Variants in GLIS3 observed in about 807,000 individuals in gnomAD.
GLIS3 encodes the protein zinc finger protein GLIS3.
A neutral mutation model predicts 78.6 loss-of-function variants in GLIS3; 53 were observed. The observed-to-expected ratio is 0.67, with a 90% CI of 0.54 to 0.85. GLIS3 has a LOEUF of 0.85. Among genes scored for constraint, GLIS3 ranks in the 40% least tolerant of loss-of-function variants. The pLI is 0.00. For synonymous variants in GLIS3, 684 were observed against 509.9 expected (o/e 1.34, Z -4.60); for missense variants, 1,703 against 1,231.1 (o/e 1.38, Z -5.74).
intron 2 of GLIS3, among the ~76,000 whole-genome samples, chr9:4,342,643 G>T (rs752580558): frequency 6.6e-6 from 1 of 152,120 alleles, no homozygotes; most frequent in Admixed American, 6.5e-5. Context: ...GAATGTCATT[G>T]GTGGTTTAAT....
At chr9:4,384,428 G>T in the GLIS3 span, among the ~76,000 whole-genome samples, 2 of 151,914 alleles carry the variant, frequency 1.3e-5, no homozygotes, top group Non-Finnish European at 2.9e-5. Context: ...TCTTTAACAA[G>T]GACTATTACT....
At chr9:4,117,363 C>T (rs1444978821) in intron 4 of GLIS3, among the ~76,000 whole-genome samples, 6 of 152,146 alleles carry the variant, frequency 3.9e-5, no homozygotes, top group Non-Finnish European at 8.8e-5. Flanking sequence ...CCAATTCTAG[C>T]CCGGTTATTG....
In GLIS3 at chr9:4,309,787, T is replaced by C. The variant is rs997027882; in HGVS notation, n.392+614A>G. Among the ~76,000 whole-genome samples the C allele has an allele frequency of 6.6e-5, 10 of 152,170 alleles. No homozygotes were observed. In the East Asian group the frequency reaches 1.3e-3, roughly 20 times the overall value. ...TTCACATGACATCAGGAGATCATCA[T>C]TGCAACAAGCAACTCAGCTTAGAAG... On this transcript the variant is annotated intron_variant and non_coding_transcript_variant, in intron 3 of 4. Transcript: ENST00000471664.
At chr9:4,005,613 C>A (rs373116088) in intron 4 of GLIS3, among the ~76,000 whole-genome samples, 1 of 152,044 alleles carries the variant, frequency 6.6e-6, no homozygotes, top group African/African-American at 2.4e-5. Flanking sequence ...TTGAAAGGAC[C>A]AAATTAATTG....
chr9:4,429,710 T>C, the GLIS3 span, among the ~76,000 whole-genome samples: 3 of 152,098 alleles, frequency 2.0e-5, no homozygotes, highest in South Asian at 2.1e-4. Context: ...AAACATTGAA[T>C]CCCCAGCTCT....
intron 9 of GLIS3, among the ~76,000 whole-genome samples, chr9:3,837,184 AC>A (rs148261986): frequency 1.8e-3 from 271 of 152,316 alleles, no homozygotes; most frequent in African/African-American, 6.3e-3. Context: ...ACTGACCTGC[AC>A]CACATAAGGC....
intron 6 of GLIS3, among the ~76,000 whole-genome samples, chr9:3,908,420 T>G (rs1163669786): frequency 2.0e-5 from 3 of 152,198 alleles, no homozygotes; most frequent in Admixed American, 6.5e-5. Context: ...GGAAACCAAT[T>G]TGTGAGCCTC....
At chr9:4,134,616 T>C (rs912284539) in intron 2 of GLIS3, among the ~76,000 whole-genome samples, 2 of 152,196 alleles carry the variant, frequency 1.3e-5, no homozygotes, top group African/African-American at 2.4e-5. Flanking sequence ...GTTGTAATTT[T>C]TGTTAATGTT....
At chr9:4,093,381 CA>C (rs1829684562) in intron 4 of GLIS3, among the ~76,000 whole-genome samples, 1 of 152,182 alleles carries the variant, frequency 6.6e-6, no homozygotes, top group South Asian at 2.1e-4. Flanking sequence ...AAAGCGTGCA[CA>C]AGGGAAGAAC....
chr9:4,002,454 C>T (rs867398781), intron 4 of GLIS3, among the ~76,000 whole-genome samples: 4 of 152,322 alleles, frequency 2.6e-5, no homozygotes, highest in African/African-American at 9.6e-5. Context: ...GTAGGCTTTA[C>T]CCCTGCTTGC....
chr9:4,032,630 T>C (rs114238673), intron 4 of GLIS3, among the ~76,000 whole-genome samples: 3,445 of 152,244 alleles, frequency 0.023, 146 homozygotes, highest in African/African-American at 0.077. Flanking sequence ...ATACGCAACG[T>C]GTCAAGTGAC....
In GLIS3 at chr9:4,108,119, T is replaced by C. The variant is rs145639161; in HGVS notation, c.1710+9649A>G. 2.6e-4 allele frequency among the ~76,000 whole-genome samples: 39 copies of C among 152,296 alleles called. No individual in the cohort carries two copies. The East Asian group carries it at 3.1e-3, about 12-fold the overall frequency. On this transcript the variant is annotated intron_variant, in intron 4 of 10. Coordinates refer to ENST00000381971, the MANE Select transcript of GLIS3 (RefSeq NM_001042413.2). ...AGAAATTACTTAGCTCTGAGGGTGATAGTGAGAATTAAAGTAATATAGTAG... is the reference window on the plus strand; with the variant it reads ...AGAAATTACTTAGCTCTGAGGGTGACAGTGAGAATTAAAGTAATATAGTAG...
intron 2 of GLIS3, among the ~76,000 whole-genome samples, chr9:4,152,914 A>G (rs1275419758): frequency 6.6e-6 from 1 of 152,232 alleles, no homozygotes; most frequent in Non-Finnish European, 1.5e-5. Context: ...TATAATAAGT[A>G]TGTTCATTCT....
chr9:4,067,265 C>G (rs923256760), intron 4 of GLIS3, among the ~76,000 whole-genome samples: 1 of 151,082 alleles, frequency 6.6e-6, no homozygotes, highest in African/African-American at 2.4e-5. Context: ...ATATTAAAGA[C>G]TCACTATATT....
At chr9:4,102,125 C>G (rs867442695) in intron 4 of GLIS3, among the ~76,000 whole-genome samples, 9 of 152,266 alleles carry the variant, frequency 5.9e-5, no homozygotes, top group Middle Eastern at 6.8e-3. Context: ...AAGATAAATT[C>G]TAGACACAAC....
intron 2 of GLIS3, among the ~76,000 whole-genome samples, chr9:4,235,539 G>C (rs776180460): frequency 6.6e-6 from 1 of 152,154 alleles, no homozygotes; most frequent in Non-Finnish European, 1.5e-5. Context: ...AAACAGAGCA[G>C]AAGAATTCAT....
chr9:4,199,292 A>G (rs940388057), intron 2 of GLIS3, among the ~76,000 whole-genome samples: 5 of 152,062 alleles, frequency 3.3e-5, no homozygotes, highest in African/African-American at 9.7e-5. Flanking sequence ...AACGAGACCA[A>G]TCTATCTCCT....
chr9:4,028,044 G>T (rs1255828737), intron 4 of GLIS3, among the ~76,000 whole-genome samples: 1 of 152,172 alleles, frequency 6.6e-6, no homozygotes, highest in African/African-American at 2.4e-5. Flanking sequence ...TACAGCGGCA[G>T]CATAGTACTT....
intron 4 of GLIS3, among the ~76,000 whole-genome samples, chr9:4,069,678 G>A (rs891451787): frequency 6.6e-6 from 1 of 152,092 alleles, no homozygotes; most frequent in African/African-American, 2.4e-5. Context: ...TAAATGTAGA[G>A]AGGTGCTTTT....
Sources: allele counts gnomAD v4.1 joint callset (sites outside exome capture counted in the v4.1 genomes callset), GRCh38; gene constraint gnomAD v4.1.1; transcripts MANE v1.5; gene names NCBI Gene and HGNC (gene_info 2026-07-23, HGNC 2026-07-21).